TTL: variants seen among roughly 807,000 people sequenced by gnomAD.
The protein encoded by TTL is tubulin tyrosine ligase, also known as tubulin--tyrosine ligase.
A neutral mutation model predicts 41.1 loss-of-function variants in TTL; 10 were observed. The ratio of observed to expected loss-of-function variants is 0.24; its 90% CI spans 0.15 to 0.41. The LOEUF (loss-of-function observed/expected upper bound fraction) is 0.41, where lower values mean the gene tolerates loss of function less well. TTL is among the 10% of genes least tolerant of loss of function. TTL has a pLI of 1.00. For missense variants in TTL, 367 were observed against 460.4 expected (o/e 0.80, Z 1.86); for synonymous variants, 175 against 175.5 (o/e 1.00, Z 0.02).
chr2:112,513,196 A>C (rs1277986032), intron 5 of TTL, among the ~76,000 whole-genome samples: 1 of 152,138 alleles, frequency 6.6e-6, no homozygotes, highest in East Asian at 1.9e-4. Context: ...ATATTTGCAC[A>C]GGTATGATAG....
intron 1 of TTL, among the ~76,000 whole-genome samples, chr2:112,485,251 A>G (rs1270778610): frequency 6.6e-6 from 1 of 152,184 alleles, no homozygotes; most frequent in Non-Finnish European, 1.5e-5. Flanking sequence ...TGTCTGGCTG[A>G]AAACACTTTT....
rs181938183 is a variant in TTL, at chr2:112,540,475, G to A, written c.*11680G>A. On this transcript the variant is annotated 3_prime_UTR_variant, in exon 7 of 7. Coordinates refer to ENST00000233336, the MANE Select transcript of TTL (RefSeq NM_153712.5). ...GAGAAAGAAATTGACAAGCTAAGCT[G>A]ACGCTAAAATCCATATTGAAATACA... 1.3e-5 allele frequency: 2 copies of A among 151,464 alleles called. No individual in the cohort carries two copies. Among genetic ancestry groups the A allele is most frequent in the Admixed American group, 1.3e-4 (2 of 15,222 alleles). 9.4% of individuals were successfully genotyped at this position (151,464 alleles called of 1,614,324 possible).
chr2:112,494,843 G>A (rs1051032051), intron 3 of TTL, among the ~76,000 whole-genome samples: 5 of 152,014 alleles, frequency 3.3e-5, no homozygotes, highest in African/African-American at 7.3e-5. Context: ...ATTTCTTGCC[G>A]TTTCCCCTGC....
At position 112,520,864 on chromosome 2, in the gene TTL, G is replaced by GCCATGACTGCA. The variant is rs558291713; in HGVS notation, c.1019+443_1019+453dup. The stretch of plus-strand genomic sequence containing the variant: ...GCCTGGGAGGTTGAGGCTGCAGTGA[G>GCCATGACTGCA]CCATGACTGCACCACTGCATTGCAG... On this transcript the variant is annotated intron_variant, in intron 6 of 6. Transcript: ENST00000233336. Among the ~76,000 whole-genome samples the GCCATGACTGCA allele has an allele frequency of 3.1e-4, 47 of 152,294 alleles. No homozygotes were observed. The South Asian group carries it at 3.9e-3, about 13-fold the overall frequency.
chr2:112,489,839 G>A (rs970208803), intron 2 of TTL, among the ~76,000 whole-genome samples: 1 of 152,162 alleles, frequency 6.6e-6, no homozygotes, highest in South Asian at 2.1e-4. Context: ...ATGAGAAAAT[G>A]CAAATGGCAG....
intron 5 of TTL, among the ~76,000 whole-genome samples, chr2:112,515,328 C>T (rs1682037191): frequency 6.6e-6 from 1 of 152,178 alleles, no homozygotes; most frequent in African/African-American, 2.4e-5. Context: ...AGAGGTGGTA[C>T]ATATCCTGTA....
chr2:112,489,455 A>T (rs1681324963), intron 2 of TTL, among the ~76,000 whole-genome samples: 1 of 152,208 alleles, frequency 6.6e-6, no homozygotes, highest in Non-Finnish European at 1.5e-5. Flanking sequence ...AATTGATTTG[A>T]CTATGAAGCA....
chr2:112,486,621 T>C (rs985444276), intron 2 of TTL, among the ~76,000 whole-genome samples: 3 of 152,308 alleles, frequency 2.0e-5, no homozygotes, highest in Middle Eastern at 3.4e-3. Flanking sequence ...GGATTATGGC[T>C]AGGTATCACA....
At chr2:112,483,839 C>G (rs566363498) in intron 1 of TTL, 2 of 152,330 alleles carry the variant, frequency 1.3e-5, no homozygotes, top group East Asian at 3.9e-4. Flanking sequence ...TTTGAACACC[C>G]AGAAATCTTA....
intron 6 of TTL, chr2:112,521,367 C>T (rs1309560692): frequency 2.0e-6 from 2 of 985,036 alleles, no homozygotes; most frequent in African/African-American, 3.5e-5. Context: ...CTGTGGAAGG[C>T]CTTACGTGTC....
intron 5 of TTL, among the ~76,000 whole-genome samples, chr2:112,514,752 A>G (rs1328465178): frequency 2.0e-5 from 3 of 152,230 alleles, no homozygotes; most frequent in Non-Finnish European, 4.4e-5. Context: ...GATATCTTTT[A>G]CCAGTTTTGG....
At chr2:112,511,185 T>G (rs1005167020) in intron 5 of TTL, among the ~76,000 whole-genome samples, 2 of 152,022 alleles carry the variant, frequency 1.3e-5, no homozygotes, top group African/African-American at 2.4e-5. Context: ...TTTTGTATTT[T>G]TTTTGTAGAG....
At chr2:112,488,018 G>C (rs1681288000) in intron 2 of TTL, among the ~76,000 whole-genome samples, 1 of 152,188 alleles carries the variant, frequency 6.6e-6, no homozygotes, top group Non-Finnish European at 1.5e-5. Context: ...GCACAAATGG[G>C]ACCCCTGGCC....
chr2:112,502,095 C>G (rs2104458607), intron 4 of TTL, among the ~76,000 whole-genome samples: 1 of 152,232 alleles, frequency 6.6e-6, no homozygotes, highest in African/African-American at 2.4e-5. Context: ...AGTTTCTGAG[C>G]AAAGGGCTTG....
At chr2:112,493,590 G>T (rs538741472) in intron 2 of TTL, among the ~76,000 whole-genome samples, 2 of 152,128 alleles carry the variant, frequency 1.3e-5, no homozygotes, top group African/African-American at 4.8e-5. Context: ...GGGAGCAGGA[G>T]GTATATTTCA....
At chr2:112,493,974 A>G (rs1275937173) in intron 2 of TTL, among the ~76,000 whole-genome samples, 169 bp from the exon 3 acceptor site, 2 of 152,198 alleles carry the variant, frequency 1.3e-5, no homozygotes, top group Non-Finnish European at 2.9e-5. Context: ...TGCGCTCCCC[A>G]ATAACGCATT....
rs562300429 is a variant in TTL, at chr2:112,541,249, T to C, written c.*12454T>C. 15 of 152,294 alleles carry C rather than the reference T, an allele frequency of 9.8e-5. No individual in the cohort carries two copies. Among genetic ancestry groups the C allele is most frequent in the African/African-American group, 3.1e-4 (13 of 41,556 alleles). The allele number at this position is 152,294 out of a possible 1,614,324, so 9.4% of individuals were successfully genotyped here. The stretch of plus-strand genomic sequence containing the variant: ...ACACTTCAAAATTAAAACGTTTTGC[T>C]TCAAAGGACACCAGCAAGAAAGTAA... On this transcript the variant is annotated 3_prime_UTR_variant, in exon 7 of 7. Transcript: ENST00000233336.
rs67074839 is a variant in TTL at position 112,501,866 on chromosome 2, CAAA to C, written c.605+542_605+544del. 1.1e-3 allele frequency among the ~76,000 whole-genome samples: 152 copies of C among 138,092 alleles called. 1 individual carries two copies. Among genetic ancestry groups the C allele is most frequent in the East Asian group, 2.5e-3 (12 of 4,814 alleles). The allele number at this position is 138,092 out of a possible 152,430, so 90.6% of individuals were successfully genotyped here. A position where few individuals can be genotyped will look rare whatever the true frequency, so the allele number is the denominator to read the frequency against. On this transcript the variant is annotated intron_variant, in intron 4 of 6. Transcript: ENST00000233336. ...GGGTAACAGAGTGAGACTCCTGTGTCAAAAAAAAAAAAAAAAAAATCTTTTCTA... is the reference window on the plus strand; with the variant it reads ...GGGTAACAGAGTGAGACTCCTGTGTCAAAAAAAAAAAAAAAATCTTTTCTA...
At chr2:112,496,747 G>A (rs1200518038) in intron 3 of TTL, among the ~76,000 whole-genome samples, 2 of 125,842 alleles carry the variant, frequency 1.6e-5, no homozygotes, top group African/African-American at 6.1e-5. Flanking sequence ...TCACTTTGTT[G>A]CCCAGGCTGG....
Sources: allele counts gnomAD v4.1 joint callset (sites outside exome capture counted in the v4.1 genomes callset), GRCh38; gene constraint gnomAD v4.1.1; transcripts MANE v1.5; gene names NCBI Gene and HGNC (gene_info 2026-07-23, HGNC 2026-07-21).